Variants in HDAC9 observed in about 807,000 individuals in gnomAD.
HDAC9 encodes MEF-2 interacting transcription repressor (MITR) protein.
HDAC9 carries 41 observed loss-of-function variants against 139.4 expected under a neutral mutation model. That is an observed-to-expected ratio of 0.29 (90% CI 0.23 to 0.38). The LOEUF is 0.38. Among genes scored for constraint, HDAC9 ranks in the 10% least tolerant of loss-of-function variants. The probability of loss-of-function intolerance (pLI) is 1.00; values close to 1 mark genes in which losing one functional copy is unlikely to be tolerated. For synonymous variants in HDAC9, 517 were observed against 476.2 expected (o/e 1.09, Z -1.12); for missense variants, 1,147 against 1,297.0 (o/e 0.88, Z 1.78).
intron 1 of HDAC9, among the ~76,000 whole-genome samples, chr7:18,420,609 A>C (rs1158706556): frequency 1.3e-5 from 2 of 152,146 alleles, no homozygotes; most frequent in East Asian, 3.9e-4. Flanking sequence ...TTGTTTATTC[A>C]CTGACTCCAT....
At chr7:18,180,689 C>T (rs1285632919) in intron 2 of HDAC9, among the ~76,000 whole-genome samples, 2 of 152,222 alleles carry the variant, frequency 1.3e-5, no homozygotes, top group Non-Finnish European at 2.9e-5. Flanking sequence ...CTTTATCTCT[C>T]TGGATATCAG....
chr7:18,115,623 A>G (rs1466014808), intron 1 of HDAC9, among the ~76,000 whole-genome samples: 1 of 152,208 alleles, frequency 6.6e-6, no homozygotes, highest in Non-Finnish European at 1.5e-5. Context: ...TTGATGTTCA[A>G]ATCGGTTATT....
At position 18,210,528 on chromosome 7, in the gene HDAC9, T is replaced by C. The variant is rs1205404269; in HGVS notation, c.25+48179T>C. On this transcript the variant is annotated intron_variant, in intron 2 of 12. Transcript: ENST00000417496. The stretch of plus-strand genomic sequence containing the variant: ...GTTCATTATAATGTAATTGAGTCAC[T>C]TACCAAGCCTATTTTAAAACCAGTT... Among the ~76,000 whole-genome samples, 5 of 152,328 alleles carry C rather than the reference T, an allele frequency of 3.3e-5. No individual in the cohort carries two copies. In the East Asian group the frequency reaches 9.7e-4, roughly 29 times the overall value.
chr7:18,757,335 G>A (rs778696167), intron 14 of HDAC9, among the ~76,000 whole-genome samples: 1 of 152,022 alleles, frequency 6.6e-6, no homozygotes, highest in Non-Finnish European at 1.5e-5. Context: ...TTCTTGCCTG[G>A]TATGTCACCA....
At chr7:18,290,469 C>T (rs1303042291) in exon 1 of HDAC9, 5 of 456,336 alleles carry the variant, frequency 1.1e-5, no homozygotes, top group South Asian at 3.1e-5. Flanking sequence ...AGCTAGTTTG[C>T]GAAACCACAG....
chr7:18,521,136 A>C (rs1409782584), intron 2 of HDAC9, among the ~76,000 whole-genome samples: 1 of 152,256 alleles, frequency 6.6e-6, no homozygotes, highest in Non-Finnish European at 1.5e-5. Flanking sequence ...GAATCCAATT[A>C]GGAAAGAACA....
Position 18,443,936 on chromosome 7 carries a change from A to G in HDAC9, c.-41-52326A>G, listed in dbSNP as rs542605520. Among the ~76,000 whole-genome samples the G allele has an allele frequency of 5.3e-5, 8 of 151,674 alleles. No individual in the cohort carries two copies. In the South Asian group the frequency reaches 1.0e-3, roughly 20 times the overall value. On this transcript the variant is annotated intron_variant, in intron 1 of 3. Coordinates refer to the HDAC9 transcript ENST00000413509. ...ACATTTGTATTATATATATGTATATATATGTATGTATGTATGTATATATGT... is the reference window on the plus strand; with the variant it reads ...ACATTTGTATTATATATATGTATATGTATGTATGTATGTATGTATATATGT...
chr7:18,849,000 A>G (rs1259717678), intron 21 of HDAC9, among the ~76,000 whole-genome samples: 1 of 152,140 alleles, frequency 6.6e-6, no homozygotes, highest in Non-Finnish European at 1.5e-5. Flanking sequence ...TCTTCACCCA[A>G]CATCTGTAAG....
chr7:18,525,400 T>C (rs1379569839), intron 2 of HDAC9, among the ~76,000 whole-genome samples: 1 of 152,122 alleles, frequency 6.6e-6, no homozygotes, highest in Non-Finnish European at 1.5e-5. Context: ...TCTTAATCAT[T>C]TTGGTGATCA....
intron 1 of HDAC9, among the ~76,000 whole-genome samples, chr7:18,118,903 G>C (rs1784187102): frequency 1.3e-5 from 2 of 152,186 alleles, no homozygotes; most frequent in African/African-American, 4.8e-5. Context: ...CACCTGAAAA[G>C]TGGCATGCTG....
At chr7:18,899,158 A>G (rs753005296) in intron 22 of HDAC9, among the ~76,000 whole-genome samples, 34 of 152,014 alleles carry the variant, frequency 2.2e-4, no homozygotes, top group African/African-American at 8.2e-4. Context: ...GATTGAAAAC[A>G]TAACTTTTGG....
At chr7:18,920,498 C>T (rs1803602522) in intron 22 of HDAC9, among the ~76,000 whole-genome samples, 1 of 152,088 alleles carries the variant, frequency 6.6e-6, no homozygotes, top group Non-Finnish European at 1.5e-5. Context: ...CTTCTCCTGC[C>T]TGATTGCCCT....
At chr7:18,217,145 T>G (rs903889246) in intron 2 of HDAC9, among the ~76,000 whole-genome samples, 1 of 152,182 alleles carries the variant, frequency 6.6e-6, no homozygotes, top group African/African-American at 2.4e-5. Flanking sequence ...GGTTTATATA[T>G]TCTACTCAGC....
intron 21 of HDAC9, among the ~76,000 whole-genome samples, chr7:18,870,933 G>C (rs1798870660): frequency 1.3e-5 from 2 of 152,144 alleles, no homozygotes; most frequent in South Asian, 2.1e-4. Context: ...AAAGTGCTGG[G>C]ATTGTAGCCA....
In HDAC9 at chr7:18,384,769, GA is replaced by G. The variant is rs111871459; in HGVS notation, c.-42+94267del. On this transcript the variant is annotated intron_variant, in intron 1 of 3. Coordinates refer to the HDAC9 transcript ENST00000413509. ...TGATGTCAGGATTGGGGAGAAAAAA[GA>G]AAAAAAAAAAAAGGTTAAGTTCAAG... Among the ~76,000 whole-genome samples the G allele has an allele frequency of 7.5e-3, 904 of 120,390 alleles. 7 individuals carry two copies. The highest frequency in any genetic ancestry group is 0.021 in the African/African-American group (688 of 32,768). The allele number at this position is 120,390 out of a possible 152,430, so 79.0% of individuals were successfully genotyped here.
At chr7:18,787,977 C>T (rs957106993) in intron 16 of HDAC9, among the ~76,000 whole-genome samples, 4 of 152,102 alleles carry the variant, frequency 2.6e-5, no homozygotes, top group Non-Finnish European at 5.9e-5. Flanking sequence ...CTCTCAGATT[C>T]CTCTTTGAAG....
intron 23 of HDAC9, among the ~76,000 whole-genome samples, chr7:18,951,082 T>A (rs2129322064): frequency 6.6e-6 from 1 of 152,088 alleles, no homozygotes; most frequent in East Asian, 1.9e-4. Flanking sequence ...CAACAGCTTC[T>A]CCAAGAATAT....
chr7:18,709,228 A>T (rs929342960), intron 12 of HDAC9, among the ~76,000 whole-genome samples: 5 of 151,888 alleles, frequency 3.3e-5, no homozygotes. Context: ...GTGTGTGTGT[A>T]TTGTTCCCCT....
chr7:18,561,987 C>T (rs1820765582), intron 2 of HDAC9, among the ~76,000 whole-genome samples: 1 of 152,116 alleles, frequency 6.6e-6, no homozygotes, highest in South Asian at 2.1e-4. Context: ...AAGTACTTGC[C>T]AACACTTCTT....
Sources: gnomAD v4.1 joint callset for allele counts (sites outside exome capture counted in the v4.1 genomes callset) on GRCh38, gnomAD v4.1.1 for gene constraint, MANE v1.5 for transcripts, NCBI Gene and HGNC (gene_info 2026-07-23, HGNC 2026-07-21) for gene names.